CAMK2D: variants seen among roughly 807,000 people sequenced by gnomAD.
CAMK2D encodes calcium/calmodulin dependent protein kinase II delta, also known as calcium/calmodulin-dependent protein kinase type II subunit delta.
CAMK2D carries 37 observed loss-of-function variants against 84.0 expected under a neutral mutation model. That is an observed-to-expected ratio of 0.44 (90% CI 0.34 to 0.58). CAMK2D has a LOEUF of 0.58. CAMK2D is among the 20% of genes least tolerant of loss of function. CAMK2D has a pLI of 0.02. For missense variants in CAMK2D, 448 were observed against 652.5 expected, an observed-to-expected ratio of 0.69 and a Z score of 3.41; for synonymous variants, 202 against 212.5, an observed-to-expected ratio of 0.95 and a Z score of 0.43.
At chr4:113,713,115 TA>T (rs2099499372) in intron 2 of CAMK2D, among the ~76,000 whole-genome samples, 1 of 152,042 alleles carries the variant, frequency 6.6e-6, no homozygotes, top group Non-Finnish European at 1.5e-5. Flanking sequence ...CAGTTTATTT[TA>T]GGCATTACCC....
At chr4:113,603,774 T>TAC (rs1491373438) in intron 4 of CAMK2D, among the ~76,000 whole-genome samples, 1 of 10,086 alleles carries the variant, frequency 9.9e-5, no homozygotes, top group Non-Finnish European at 2.8e-4. Flanking sequence ...CTTGCTATTT[T>TAC]ATATATATAT....
At position 113,460,107 on chromosome 4, in the gene CAMK2D, G is replaced by T. The variant is rs780627146; in HGVS notation, c.1306+40C>A. On this transcript the variant is annotated intron_variant, in intron 18 of 20. Transcript: ENST00000511664. ...TGCAAATTTGGGAAAATTCAGAGAG[G>T]TTTAAAAAGGGCATGTTATTAAATT... is the stretch of plus-strand genomic sequence containing the variant. 3 of 1,192,032 alleles carry T rather than the reference G, an allele frequency of 2.5e-6. No homozygotes were observed. The South Asian group carries it at 3.7e-5, about 15-fold the overall frequency. 73.8% of individuals were successfully genotyped at this position (1,192,032 alleles called of 1,614,324 possible).
rs10428344 is a variant in CAMK2D, at chr4:113,663,275, A to C, written c.161-1503T>G. 8.0e-3 allele frequency among the ~76,000 whole-genome samples: 1,223 copies of C among 152,332 alleles called. 16 individuals are homozygous for C. Among genetic ancestry groups the C allele is most frequent in the African/African-American group, 0.027 (1,143 of 41,568 alleles). ...CTAACAGCAATACCATAAATATTGC[A>C]AAGTGTTATACCTAAAGTATATGAA... is the stretch of plus-strand genomic sequence containing the variant. On this transcript the variant is annotated intron_variant, in intron 2 of 20. Coordinates refer to ENST00000511664, the MANE Select transcript of CAMK2D (RefSeq NM_001321571.2).
At chr4:113,550,105 T>A (rs1420006328) in intron 5 of CAMK2D, among the ~76,000 whole-genome samples, 1 of 151,980 alleles carries the variant, frequency 6.6e-6, no homozygotes, top group Non-Finnish European at 1.5e-5. Flanking sequence ...GACTTCACCA[T>A]TTTTTTTACT....
At chr4:113,486,651 C>G (rs74471487) in intron 16 of CAMK2D, among the ~76,000 whole-genome samples, 3,338 of 152,150 alleles carry the variant, frequency 0.022, 98 homozygotes, top group African/African-American at 0.075. Flanking sequence ...TTTTCTTATA[C>G]CCAATCTCTG....
At chr4:113,625,945 T>A (rs1445732512) in intron 3 of CAMK2D, among the ~76,000 whole-genome samples, 1 of 149,132 alleles carries the variant, frequency 6.7e-6, no homozygotes, top group Non-Finnish European at 1.5e-5. Flanking sequence ...ACCCAGGAGG[T>A]GGAGGTTGTA....
At chr4:113,513,052 A>C in intron 12 of CAMK2D, 3 of 312,730 alleles carry the variant, frequency 9.6e-6, no homozygotes, top group Non-Finnish European at 1.4e-5. Flanking sequence ...AGCACTTGAC[A>C]GATGAGGCTA....
chr4:113,465,362 G>C (rs1270284569), intron 17 of CAMK2D, among the ~76,000 whole-genome samples, 167 bp downstream of exon 17: 1 of 151,728 alleles, frequency 6.6e-6, no homozygotes, highest in Non-Finnish European at 1.5e-5. Flanking sequence ...AATTTTCTCT[G>C]AAATTTTTCT....
intron 6 of CAMK2D, among the ~76,000 whole-genome samples, chr4:113,547,094 T>C (rs1456499371): frequency 2.0e-5 from 3 of 152,172 alleles, no homozygotes; most frequent in Non-Finnish European, 4.4e-5. Flanking sequence ...TTTAGGAATA[T>C]AAATAAATAA....
At chr4:113,716,649 C>CA (rs397750449) in intron 2 of CAMK2D, among the ~76,000 whole-genome samples, 13,581 of 76,010 alleles carry the variant, frequency 0.18, 1,775 homozygotes, top group East Asian at 0.35. Context: ...AGACTCCATC[C>CA]AAAAAAAAAA....
chr4:113,568,665 T>C (rs1348713103), intron 4 of CAMK2D, among the ~76,000 whole-genome samples: 1 of 152,244 alleles, frequency 6.6e-6, no homozygotes, highest in Admixed American at 6.5e-5. Flanking sequence ...TTTACACAGC[T>C]GCTGTGCCAT....
At chr4:113,523,501 G>A (rs1422956533) in intron 8 of CAMK2D, among the ~76,000 whole-genome samples, 1 of 151,946 alleles carries the variant, frequency 6.6e-6, no homozygotes, top group Non-Finnish European at 1.5e-5. Context: ...CATAAAAAAA[G>A]GTCCCACACA....
intron 16 of CAMK2D, among the ~76,000 whole-genome samples, chr4:113,497,382 A>G (rs2097951762): frequency 6.6e-6 from 1 of 152,230 alleles, no homozygotes; most frequent in South Asian, 2.1e-4. Flanking sequence ...ATTCAAAAGT[A>G]TTACACAGAC....
intron 20 of CAMK2D, among the ~76,000 whole-genome samples, chr4:113,454,729 AATT>A (rs1380964190): frequency 2.0e-5 from 3 of 152,116 alleles, no homozygotes; most frequent in Admixed American, 6.6e-5. Flanking sequence ...GATCAGTATT[AATT>A]ATTTTTTCAC....
chr4:113,723,226 T>A (rs1047618254), intron 2 of CAMK2D, among the ~76,000 whole-genome samples: 2 of 135,948 alleles, frequency 1.5e-5, no homozygotes, highest in African/African-American at 5.6e-5. Context: ...CAAAAATAAC[T>A]TTTTTTTTTT....
chr4:113,746,215 G>C (rs1178201796), intron 2 of CAMK2D, among the ~76,000 whole-genome samples: 2 of 152,160 alleles, frequency 1.3e-5, no homozygotes, highest in African/African-American at 4.8e-5. Flanking sequence ...AATTGACCTT[G>C]TGTGTGTTCA....
chr4:113,619,184 A>G (rs1226075449), intron 3 of CAMK2D, among the ~76,000 whole-genome samples: 1 of 151,012 alleles, frequency 6.6e-6, no homozygotes, highest in African/African-American at 2.5e-5. Flanking sequence ...CTAATCTGAA[A>G]GCAAATCCTT....
At chr4:113,462,306 G>GTCTATCTA (rs1564403446) in intron 17 of CAMK2D, among the ~76,000 whole-genome samples, 1 of 96,724 alleles carries the variant, frequency 1.0e-5, no homozygotes, top group Non-Finnish European at 2.5e-5. Context: ...CTGTCTGTCT[G>GTCTATCTA]TCTGTCTGTC....
chr4:113,712,246 G>T (rs1230157417), intron 2 of CAMK2D, among the ~76,000 whole-genome samples: 1 of 151,900 alleles, frequency 6.6e-6, no homozygotes, highest in Admixed American at 6.6e-5. Context: ...GAATAGCCAA[G>T]AATTAACTTT....
Sources: allele counts gnomAD v4.1 joint callset (sites outside exome capture counted in the v4.1 genomes callset), GRCh38; gene constraint gnomAD v4.1.1; transcripts MANE v1.5; gene names NCBI Gene and HGNC (gene_info 2026-07-23, HGNC 2026-07-21).